BICDL1: variants seen among roughly 807,000 people sequenced by gnomAD.
BICDL1 encodes the protein BICD family-like cargo adapter 1.
Under a neutral mutation model 76.8 loss-of-function variants are expected in BICDL1, and 20 were observed. The ratio of observed to expected loss-of-function variants is 0.26; its 90% CI spans 0.18 to 0.38. The LOEUF (loss-of-function observed/expected upper bound fraction) is 0.38. BICDL1 is among the 10% of genes least tolerant of loss of function. The pLI is 1.00. For synonymous variants in BICDL1, 383 were observed against 337.1 expected (o/e 1.14, Z -1.49); for missense variants, 700 against 798.6 (o/e 0.88, Z 1.49).
chr12:120,087,985 A>G (rs1874569340), intron 8 of BICDL1, among the ~76,000 whole-genome samples: 1 of 152,166 alleles, frequency 6.6e-6, no homozygotes, highest in South Asian at 2.1e-4. Context: ...GCTGGAGTGC[A>G]GTGGCGTGAT....
chr12:120,085,336 G>A (rs1444030382), intron 8 of BICDL1, among the ~76,000 whole-genome samples: 1 of 152,086 alleles, frequency 6.6e-6, no homozygotes, highest in Non-Finnish European at 1.5e-5. Context: ...TTCAGGAGGC[G>A]GAGGTTGCAG....
In BICDL1 at chr12:119,989,689, C is replaced by G. The variant is rs1951470138; in HGVS notation, c.-180C>G. The stretch of plus-strand genomic sequence containing the variant: ...GGGGCGGGGGAGGGGGCGCGTGCCG[C>G]CGGCGCGGGGGAGGGGCGGGCCGGC... On this transcript the variant is annotated 5_prime_UTR_variant, in exon 1 of 10. Transcript: ENST00000548673. Among the ~76,000 whole-genome samples, 1 of 146,250 alleles carries G rather than the reference C, an allele frequency of 6.8e-6. No homozygotes were observed. Among genetic ancestry groups the G allele is most frequent in the East Asian group, 2.0e-4 (1 of 4,958 alleles).
chr12:120,006,180 G>A (rs1951847361), intron 2 of BICDL1, among the ~76,000 whole-genome samples: 1 of 152,152 alleles, frequency 6.6e-6, no homozygotes, highest in Admixed American at 6.5e-5. Flanking sequence ...CCGTCATCAT[G>A]GAATGGTGCC....
rs1448916810 is a variant in BICDL1, at chr12:120,071,431, C to T, written c.910-191C>T. On this transcript the variant is annotated intron_variant, in intron 4 of 9. Transcript: ENST00000548673. This position sits in a 1 kb window ranked among gnomAD's most constrained non-coding sequence, Gnocchi z 4.8. ...TGCTGGGATTACAGGGGTGAGCCAC[C>T]GCGCCCAGTCAGAATTTTCTAGATC... Among the ~76,000 whole-genome samples the T allele has an allele frequency of 1.3e-5, 2 of 152,120 alleles. No individual in the cohort carries two copies. Among genetic ancestry groups the T allele is most frequent in the Non-Finnish European group, 2.9e-5 (2 of 68,032 alleles).
chr12:120,033,359 G>A (rs1230159602), intron 2 of BICDL1, among the ~76,000 whole-genome samples: 2 of 93,660 alleles, frequency 2.1e-5, no homozygotes, highest in East Asian at 7.7e-4. Context: ...CCTGTGGAGA[G>A]TTCTTGCCTT....
chr12:120,063,141 C>T (rs563504395), intron 3 of BICDL1, among the ~76,000 whole-genome samples: 9 of 152,256 alleles, frequency 5.9e-5, no homozygotes, highest in African/African-American at 1.7e-4. Flanking sequence ...AATCTTATTA[C>T]CCCATCACTT....
At chr12:119,999,237 G>A (rs1473381023) in intron 2 of BICDL1, among the ~76,000 whole-genome samples, 1 of 152,102 alleles carries the variant, frequency 6.6e-6, no homozygotes, top group Non-Finnish European at 1.5e-5. Flanking sequence ...GCATGCTTGT[G>A]ATTAACAAGC....
chr12:120,077,060 C>T (rs1007382644), intron 7 of BICDL1, among the ~76,000 whole-genome samples: 1 of 152,236 alleles, frequency 6.6e-6, no homozygotes, highest in African/African-American at 2.4e-5. Context: ...GGTTCTAGCA[C>T]ACAGCTCCTG....
chr12:120,010,473 G>T (rs1331960480), intron 2 of BICDL1, among the ~76,000 whole-genome samples: 1 of 152,118 alleles, frequency 6.6e-6, no homozygotes, highest in Non-Finnish European at 1.5e-5. Flanking sequence ...CTTCACATAA[G>T]ATTTCATATG....
intron 4 of BICDL1, among the ~76,000 whole-genome samples, chr12:120,068,538 G>A (rs1301378484): frequency 1.3e-5 from 2 of 152,216 alleles, no homozygotes; most frequent in East Asian, 1.9e-4. Flanking sequence ...CATTTAGGCC[G>A]GGCGTGGTGG....
intron 2 of BICDL1, among the ~76,000 whole-genome samples, chr12:120,017,690 C>A (rs79905729): frequency 0.056 from 8,445 of 151,968 alleles, 467 homozygotes; most frequent in African/African-American, 0.14. Context: ...TATGATTACA[C>A]CACTGTACTC....
intron 2 of BICDL1, among the ~76,000 whole-genome samples, chr12:120,042,837 A>G (rs940173119): frequency 6.6e-6 from 1 of 151,602 alleles, no homozygotes; most frequent in Non-Finnish European, 1.5e-5. Flanking sequence ...AACCTAAGTC[A>G]GAGGAGAGGT....
chr12:120,027,465 G>T (rs78459277), intron 2 of BICDL1, among the ~76,000 whole-genome samples: 1 of 152,076 alleles, frequency 6.6e-6, no homozygotes, highest in South Asian at 2.1e-4. Flanking sequence ...GAAAATGGTG[G>T]TATTAGATAT....
Position 120,094,396 on chromosome 12 carries a change from A to G in BICDL1, c.*1235A>G. 2.6e-6 allele frequency: 1 copy of G among 385,290 alleles called. No homozygotes were observed. The highest frequency in any genetic ancestry group is 3.0e-5 in the Admixed American group (1 of 33,500). 23.9% of individuals were successfully genotyped at this position (385,290 alleles called of 1,614,324 possible). The stretch of plus-strand genomic sequence containing the variant: ...AATACATGTATGGATTTTATAATAT[A>G]CATATATAAAAATCTATAAAGGCAT... On this transcript the variant is annotated 3_prime_UTR_variant, in exon 10 of 10. Coordinates refer to ENST00000548673, the MANE Select transcript of BICDL1 (RefSeq NM_001367886.1).
chr12:120,066,772 A>G (rs893643117), intron 4 of BICDL1, among the ~76,000 whole-genome samples: 4 of 152,242 alleles, frequency 2.6e-5, no homozygotes, highest in African/African-American at 9.6e-5. Context: ...AGTGTCCTCC[A>G]GAAAGTCCTT....
At position 120,016,500 on chromosome 12, in the gene BICDL1, C is replaced by T. The variant is rs1037350874; in HGVS notation, c.645+17764C>T. 5.8e-5 allele frequency among the ~76,000 whole-genome samples: 8 copies of T among 137,084 alleles called. No homozygotes were observed. The East Asian group carries it at 6.5e-4, about 11-fold the overall frequency. The allele number at this position is 137,084 out of a possible 152,430, so 89.9% of individuals were successfully genotyped here. On this transcript the variant is annotated intron_variant, in intron 2 of 9. Transcript: ENST00000548673. ...TGTCACCCATGCTGGAGTACAGTGG[C>T]GTGATCATGGCTCACTACTCTGGTG...
chr12:120,068,963 A>C (rs1475972766), intron 4 of BICDL1, among the ~76,000 whole-genome samples: 1 of 152,188 alleles, frequency 6.6e-6, no homozygotes, highest in South Asian at 2.1e-4. Context: ...TGGAGAGAGA[A>C]GGAAAGAGCA....
At chr12:120,068,771 G>T (rs1018201030) in intron 4 of BICDL1, among the ~76,000 whole-genome samples, 1 of 152,146 alleles carries the variant, frequency 6.6e-6, no homozygotes, top group African/African-American at 2.4e-5. Flanking sequence ...AGCCACAATC[G>T]TGCCACTGCA....
intron 1 of BICDL1, 88 bp downstream of exon 1, chr12:119,990,385 C>T (rs143754087): frequency 4.6e-6 from 7 of 1,507,576 alleles, no homozygotes; most frequent in East Asian, 2.6e-5. Flanking sequence ...CACTCACCCC[C>T]ACTTCGTTGC....
Sources: gnomAD v4.1 joint callset for allele counts (sites outside exome capture counted in the v4.1 genomes callset) on GRCh38, gnomAD v4.1.1 for gene constraint, Gnocchi (gnomAD v3.1) non-coding constraint, MANE v1.5 for transcripts, NCBI Gene and HGNC (gene_info 2026-07-23, HGNC 2026-07-21) for gene names.